Variants in MACC1 observed in about 807,000 individuals in gnomAD.
The protein encoded by MACC1 is metastasis-associated in colon cancer protein 1.
A neutral mutation model predicts 70.7 loss-of-function variants in MACC1; 79 were observed. The observed-to-expected ratio is 1.12, with a 90% CI of 0.93 to 1.35. The LOEUF (loss-of-function observed/expected upper bound fraction) is 1.35, where lower values mean the gene tolerates loss of function less well. Among genes scored for constraint, MACC1 ranks in the 40% most tolerant of loss-of-function variants. MACC1 has a pLI of 0.00. For synonymous variants in MACC1, 361 were observed against 347.2 expected, an observed-to-expected ratio of 1.04 and a Z score of -0.44; for missense variants, 1,106 against 978.1, an observed-to-expected ratio of 1.13 and a Z score of -1.74.
In MACC1 at chr7:20,159,254, G is replaced by A; in HGVS notation, c.1107C>T (p.Thr369=). 6.2e-7 allele frequency: 1 copy of A among 1,613,890 alleles called. No homozygotes were observed. Among genetic ancestry groups the A allele is most frequent in the Non-Finnish European group, 8.5e-7 (1 of 1,179,960 alleles). Residue 369 remains threonine, a synonymous_variant, in exon 5 of 7, where the codon ACC becomes ACT. Coordinates refer to ENST00000400331, the MANE Select transcript of MACC1 (RefSeq NM_182762.4). The stretch of plus-strand genomic sequence containing the variant: ...TGGGTCCATAAATTCCAATTGAGGT[G>A]GTTTTGTGGATATAATCCCAAATGG... ...AATIWDYIHK[T]TSIGIYGPKY...
At chr7:20,207,832 T>G (rs1210240125) in intron 1 of MACC1, among the ~76,000 whole-genome samples, 4 of 152,160 alleles carry the variant, frequency 2.6e-5, no homozygotes, top group Non-Finnish European at 5.9e-5. Flanking sequence ...CATTAAAAGG[T>G]TAACAGGATA....
intron 1 of MACC1, among the ~76,000 whole-genome samples, chr7:20,208,404 C>A (rs1375259545): frequency 1.3e-5 from 2 of 152,056 alleles, no homozygotes; most frequent in African/African-American, 4.8e-5. Context: ...GTAATATGGA[C>A]AATGAAGTTG....
intron 1 of MACC1, among the ~76,000 whole-genome samples, chr7:20,209,522 A>G (rs1420249053): frequency 1.3e-5 from 2 of 152,170 alleles, no homozygotes; most frequent in East Asian, 3.9e-4. Context: ...TCCCATTTGG[A>G]ATGGGTGTAT....
intron 1 of MACC1, among the ~76,000 whole-genome samples, chr7:20,209,333 T>C (rs982937238): frequency 6.6e-6 from 1 of 152,240 alleles, no homozygotes. Flanking sequence ...GGCTGTACCC[T>C]GCAAAACCAC....
intron 1 of MACC1, among the ~76,000 whole-genome samples, chr7:20,216,193 A>G (rs1251145764): frequency 1.3e-5 from 2 of 152,310 alleles, no homozygotes; most frequent in Non-Finnish European, 2.9e-5. Context: ...AGATAAGTCA[A>G]TATCAATCCT....
chr7:20,159,462 G>T lies in MACC1; in HGVS notation c.899C>A (p.Pro300His), dbSNP rs749712233. Residue 300 changes from proline to histidine, a missense_variant, in exon 5 of 7, where the codon CCT becomes CAT. By Grantham distance (77) the Pro-to-His change is moderately conservative (BLOSUM62 -2). Coordinates refer to ENST00000400331, the MANE Select transcript of MACC1 (RefSeq NM_182762.4). ...MKIGAEVRKD[P>H]FSQVMTEMVC... Reference sequence around the variant, plus strand: ...CATTTCTGTCATGACTTGGCTGAAAGGATCCTTTCTTACTTCAGCCCCAAT... The same window carrying T: ...CATTTCTGTCATGACTTGGCTGAAATGATCCTTTCTTACTTCAGCCCCAAT... The T allele has an allele frequency of 3.7e-6, 6 of 1,614,012 alleles. No homozygotes were observed. Among genetic ancestry groups the T allele is most frequent in the South Asian group, 1.1e-5 (1 of 91,072 alleles).
At chr7:20,205,060 T>C (rs1289741066) in intron 1 of MACC1, among the ~76,000 whole-genome samples, 1 of 151,870 alleles carries the variant, frequency 6.6e-6, no homozygotes, top group Non-Finnish European at 1.5e-5. Flanking sequence ...TATGAATTCA[T>C]ACTTTATTGG....
In MACC1 at chr7:20,138,904, C is replaced by T. The variant is rs1781757723; in HGVS notation, c.*2042G>A. On this transcript the variant is annotated 3_prime_UTR_variant, in exon 7 of 7. Coordinates refer to ENST00000400331, the MANE Select transcript of MACC1 (RefSeq NM_182762.4). ...AGCCAGGATGGTCTCGATCTCCTGA[C>T]CTAGTGATCTGCCCGCCTCGGCCTC... 1.3e-5 allele frequency: 2 copies of T among 152,230 alleles called. No homozygotes were observed. Among genetic ancestry groups the T allele is most frequent in the Non-Finnish European group, 2.9e-5 (2 of 68,096 alleles). The allele number at this position is 152,230 out of a possible 1,614,324, so 9.4% of individuals were successfully genotyped here.
At chr7:20,192,888 A>G (rs150810727) in intron 1 of MACC1, among the ~76,000 whole-genome samples, 64 of 152,364 alleles carry the variant, frequency 4.2e-4, no homozygotes, top group African/African-American at 1.3e-3. Context: ...GAAAAGTACT[A>G]CAGGATTTGA....
intron 1 of MACC1, among the ~76,000 whole-genome samples, chr7:20,176,716 C>T (rs1453407372): frequency 1.3e-5 from 2 of 152,112 alleles, no homozygotes; most frequent in Non-Finnish European, 2.9e-5. Context: ...AACTGTGTTA[C>T]ACCCATACCG....
rs546772617 is a variant in MACC1, at chr7:20,186,247, C to T, written c.-217-15469G>A. ...ATTGTTATGAGGTGAAAGGGACCTG[C>T]TAACTGGGACACTTTCCAGGTTTTC... On this transcript the variant is annotated intron_variant, in intron 1 of 6. Coordinates refer to ENST00000400331, the MANE Select transcript of MACC1 (RefSeq NM_182762.4). Among the ~76,000 whole-genome samples, 4 of 152,208 alleles carry T rather than the reference C, an allele frequency of 2.6e-5. No individual in the cohort carries two copies. In the East Asian group the frequency reaches 7.7e-4, roughly 29 times the overall value.
At chr7:20,168,306 G>A (rs1782251833) in intron 2 of MACC1, among the ~76,000 whole-genome samples, 1 of 152,018 alleles carries the variant, frequency 6.6e-6, no homozygotes, top group South Asian at 2.1e-4. Context: ...ATAAATAAGG[G>A]TGACATTTGC....
At chr7:20,145,986 C>T (rs775668501) in intron 6 of MACC1, among the ~76,000 whole-genome samples, 101 of 152,000 alleles carry the variant, frequency 6.6e-4, no homozygotes, top group Non-Finnish European at 1.3e-3. Flanking sequence ...TATGGTGAAG[C>T]CCTGTATCTA....
At position 20,136,538 on chromosome 7, in the gene MACC1, A is replaced by T. The variant is rs1781719771; in HGVS notation, c.*4408T>A. ...TGATGCTGAACATCAGATACATTTC[A>T]GATGCTGTATGTGTACAAATTCAAC... On this transcript the variant is annotated 3_prime_UTR_variant, in exon 7 of 7. Transcript: ENST00000400331. 1 of 152,230 alleles carries T rather than the reference A, an allele frequency of 6.6e-6. No individual in the cohort carries two copies. The highest frequency in any genetic ancestry group is 2.4e-5 in the African/African-American group (1 of 41,474). The allele number at this position is 152,230 out of a possible 1,614,324, so 9.4% of individuals were successfully genotyped here. A position where few individuals can be genotyped will look rare whatever the true frequency, so the allele number is the denominator to read the frequency against.
intron 1 of MACC1, among the ~76,000 whole-genome samples, chr7:20,179,191 A>C (rs1384020631): frequency 7.9e-5 from 12 of 152,054 alleles, no homozygotes; most frequent in Admixed American, 7.2e-4. Flanking sequence ...TATTCTCATC[A>C]GTGCTTTTTC....
intron 1 of MACC1, among the ~76,000 whole-genome samples, chr7:20,173,711 G>C (rs988972403): frequency 1.3e-5 from 2 of 152,164 alleles, no homozygotes; most frequent in East Asian, 1.9e-4. Context: ...TTGGGTCCTA[G>C]CCACATACCA....
chr7:20,169,272 G>T (rs138762810), intron 2 of MACC1, among the ~76,000 whole-genome samples: 1,917 of 152,306 alleles, frequency 0.013, 25 homozygotes, highest in Middle Eastern at 0.1. Context: ...TACAAATCTT[G>T]TCCCTGGGAT....
intron 1 of MACC1, among the ~76,000 whole-genome samples, chr7:20,196,326 G>A (rs1213015099): frequency 2.6e-5 from 4 of 152,044 alleles, no homozygotes; most frequent in East Asian, 1.9e-4. Flanking sequence ...GACTACAGGC[G>A]CCCGCCACCA....
rs140334517 is a variant in MACC1 at position 20,158,802 on chromosome 7, T to C, written c.1559A>G (p.Tyr520Cys). The change falls in exon 5 of 7, where the codon TAT becomes TGT. Residue 520 changes from tyrosine to cysteine, a missense_variant. Physicochemically the swap from Tyr to Cys is radical, Grantham distance 194. Coordinates refer to ENST00000400331, the MANE Select transcript of MACC1 (RefSeq NM_182762.4). ...CTTGATTTCCTCCTTCTTCTGCAAA[T>C]AGCCTGGCAGATTCGAGAGTCTTTT... ...NLKRLSNLPG[Y>C]LQKKEEIKSA... 1.9e-6 allele frequency: 3 copies of C among 1,614,028 alleles called. No individual in the cohort carries two copies. Among genetic ancestry groups the C allele is most frequent in the Non-Finnish European group, 2.5e-6 (3 of 1,180,036 alleles).
Sources: gnomAD v4.1 joint callset for allele counts (sites outside exome capture counted in the v4.1 genomes callset) on GRCh38, gnomAD v4.1.1 for gene constraint, MANE v1.5 for transcripts, NCBI Gene and HGNC (gene_info 2026-07-23, HGNC 2026-07-21) for gene names.